The following ENOX1 variants were observed in gnomAD, a reference collection of about 807,000 sequenced individuals.
ENOX1 encodes the protein ecto-NOX disulfide-thiol exchanger 1, also known as candidate growth-related and time keeping constitutive hydroquinone (NADH) oxidase.
Under a neutral mutation model 82.5 loss-of-function variants are expected in ENOX1, and 42 were observed. That is an observed-to-expected ratio of 0.51 (90% CI 0.40 to 0.66). The LOEUF is 0.66. Ranked by LOEUF, ENOX1 falls within the 30% of genes least tolerant of loss-of-function variation. The pLI is 0.00. For synonymous variants in ENOX1, 271 were observed against 282.2 expected (o/e 0.96, Z 0.40); for missense variants, 608 against 811.6 (o/e 0.75, Z 3.05).
chr13:43,646,896 CA>C (rs2083919474), intron 2 of ENOX1, among the ~76,000 whole-genome samples: 1 of 152,210 alleles, frequency 6.6e-6, no homozygotes, highest in South Asian at 2.1e-4. Flanking sequence ...GAGATGCAGA[CA>C]AGCAAAATTT....
intron 11 of ENOX1, chr13:43,320,966 C>T (rs905719603): frequency 4.8e-6 from 2 of 417,634 alleles, no homozygotes; most frequent in African/African-American, 4.1e-5. Flanking sequence ...AAGAGTAAAG[C>T]AGTCCTGAGG....
intron 15 of ENOX1, among the ~76,000 whole-genome samples, chr13:43,228,095 CTTTTTTTTTTT>C (rs551861545): frequency 3.5e-5 from 3 of 84,720 alleles, no homozygotes; most frequent in Middle Eastern, 0.01. Flanking sequence ...CTCTTTGCAG[CTTTTTTTTTTT>C]TTTTTTTTTT....
intron 13 of ENOX1, among the ~76,000 whole-genome samples, chr13:43,266,047 G>A (rs1566374390): frequency 6.6e-6 from 1 of 152,188 alleles, no homozygotes; most frequent in Non-Finnish European, 1.5e-5. Context: ...GAGATTTTTA[G>A]CAGTGAACAT....
At position 43,620,385 on chromosome 13, in the gene ENOX1, G is replaced by C. The variant is rs368876370; in HGVS notation, c.-219+47094C>G. Among the ~76,000 whole-genome samples the C allele has an allele frequency of 3.9e-5, 6 of 151,918 alleles. No homozygotes were observed. In the East Asian group the frequency reaches 7.8e-4, roughly 20 times the overall value. On this transcript the variant is annotated intron_variant, in intron 2 of 16. Transcript: ENST00000690772. Reference sequence around the variant, plus strand: ...CAGTCTTTTTGATGTAGGGGTTTTGGGTTATGCTTTCCTTTTAGCACTGCT... The same window carrying C: ...CAGTCTTTTTGATGTAGGGGTTTTGCGTTATGCTTTCCTTTTAGCACTGCT...
At chr13:43,426,036 G>A (rs1332038722) in intron 3 of ENOX1, among the ~76,000 whole-genome samples, 1 of 152,230 alleles carries the variant, frequency 6.6e-6, no homozygotes, top group Non-Finnish European at 1.5e-5. Context: ...CTGATATGGA[G>A]TAAGTAAATC....
At chr13:43,721,788 C>T (rs907426532) in intron 1 of ENOX1, among the ~76,000 whole-genome samples, 2 of 152,154 alleles carry the variant, frequency 1.3e-5, no homozygotes, top group African/African-American at 2.4e-5. Flanking sequence ...GCCACTGAGA[C>T]ATCAGTCCCT....
At chr13:43,239,454 C>G (rs949938941) in intron 14 of ENOX1, among the ~76,000 whole-genome samples, 1 of 152,194 alleles carries the variant, frequency 6.6e-6, no homozygotes, top group East Asian at 1.9e-4. Flanking sequence ...CAGGCAGGCT[C>G]CAAGGAATGC....
At chr13:43,328,848 T>C (rs1485568596) in intron 9 of ENOX1, among the ~76,000 whole-genome samples, 2 of 152,222 alleles carry the variant, frequency 1.3e-5, no homozygotes, top group African/African-American at 4.8e-5. Context: ...AACAAACATC[T>C]GGATTCCTGT....
intron 14 of ENOX1, among the ~76,000 whole-genome samples, chr13:43,260,256 G>A (rs1307295521): frequency 2.0e-5 from 3 of 152,234 alleles, no homozygotes; most frequent in East Asian, 1.9e-4. Context: ...AGGAGGTGAC[G>A]TGAAAAACTG....
intron 1 of ENOX1, among the ~76,000 whole-genome samples, chr13:43,713,830 G>A (rs753271565): frequency 6.6e-6 from 1 of 151,628 alleles, no homozygotes; most frequent in African/African-American, 2.4e-5. Flanking sequence ...CTTGCTAGCG[G>A]TCTATCAATT....
intron 3 of ENOX1, among the ~76,000 whole-genome samples, chr13:43,433,681 G>GT (rs1457835707): frequency 1.3e-5 from 2 of 152,196 alleles, no homozygotes; most frequent in Admixed American, 6.5e-5. Context: ...TGCACTCTGA[G>GT]TTTTTTCAAC....
intron 2 of ENOX1, among the ~76,000 whole-genome samples, chr13:43,564,565 A>T (rs191956881): frequency 4.4e-4 from 67 of 152,246 alleles, no homozygotes; most frequent in African/African-American, 1.6e-3. Flanking sequence ...TACCTCAGGG[A>T]CAATGAATAA....
chr13:43,252,428 A>T (rs574242353), intron 14 of ENOX1, among the ~76,000 whole-genome samples: 2 of 152,374 alleles, frequency 1.3e-5, no homozygotes, highest in South Asian at 2.1e-4. Flanking sequence ...AGAGGGTGAC[A>T]GGGAAAGACT....
intron 2 of ENOX1, among the ~76,000 whole-genome samples, chr13:43,639,951 C>T (rs1340872993): frequency 6.6e-6 from 1 of 152,150 alleles, no homozygotes; most frequent in Non-Finnish European, 1.5e-5. Flanking sequence ...ATCACTTGAA[C>T]CCAGGAGGTA....
intron 3 of ENOX1, among the ~76,000 whole-genome samples, chr13:43,419,520 C>CTCTT (rs1566175728): frequency 1.3e-5 from 2 of 152,024 alleles, no homozygotes; most frequent in African/African-American, 4.8e-5. Context: ...TGCCACTGCA[C>CTCTT]TCTAGCCTGG....
intron 3 of ENOX1, among the ~76,000 whole-genome samples, chr13:43,431,957 G>A (rs1278631161): frequency 2.0e-5 from 3 of 152,172 alleles, no homozygotes; most frequent in East Asian, 1.9e-4. Flanking sequence ...TAATCACCCC[G>A]GAGCCAAGTA....
intron 14 of ENOX1, among the ~76,000 whole-genome samples, chr13:43,238,925 C>T (rs2153460473): frequency 6.6e-6 from 1 of 152,134 alleles, no homozygotes; most frequent in South Asian, 2.1e-4. Flanking sequence ...TGTCAGGAGC[C>T]AGCAGAGAAA....
Position 43,344,588 on chromosome 13 carries a change from T to C in ENOX1, c.986A>G (p.Glu329Gly). The C allele has an allele frequency of 1.9e-6, 3 of 1,614,208 alleles. No individual in the cohort carries two copies. The highest frequency in any genetic ancestry group is 2.5e-6 in the Non-Finnish European group (3 of 1,180,032). The stretch of plus-strand genomic sequence containing the variant: ...ATTTTTAAAATTCTCCTTGGCTTCC[T>C]CCATCTCTTGCTCATGGGTGGCTTT... ...NEKATHEQEM[E>G]EAKENFKNAL... Residue 329 changes from glutamate (E) to glycine (G), a missense_variant, in exon 9 of 17, where the codon GAG (glutamate) becomes GGG (glycine). By Grantham distance (98) the Glu-to-Gly change is moderately conservative. Coordinates refer to ENST00000690772, the MANE Select transcript of ENOX1 (RefSeq NM_001347969.2).
intron 12 of ENOX1, among the ~76,000 whole-genome samples, chr13:43,273,275 T>C (rs1166382221): frequency 1.3e-5 from 2 of 152,188 alleles, no homozygotes; most frequent in Non-Finnish European, 2.9e-5. Flanking sequence ...CCATCCTTGC[T>C]GTCATAGTAA....
Sources: gnomAD v4.1 joint callset for allele counts (sites outside exome capture counted in the v4.1 genomes callset) on GRCh38, gnomAD v4.1.1 for gene constraint, MANE v1.5 for transcripts, NCBI Gene and HGNC (gene_info 2026-07-23, HGNC 2026-07-21) for gene names.